Variants in SDHC observed in about 807,000 individuals in gnomAD.
SDHC encodes succinate dehydrogenase cytochrome b560 subunit, mitochondrial.
SDHC carries 11 observed loss-of-function variants against 22.6 expected under a neutral mutation model. The ratio of observed to expected loss-of-function variants is 0.49; its 90% confidence interval spans 0.31 to 0.81. SDHC has a LOEUF of 0.81. Among genes scored for constraint, SDHC ranks in the 30% least tolerant of loss-of-function variants. The pLI is 0.05. For missense variants in SDHC, 160 were observed against 212.0 expected (o/e 0.75, Z 1.52); for synonymous variants, 80 against 77.8 (o/e 1.03, Z -0.15).
At chr1:161,335,962 G>A (rs960377171) in intron 3 of SDHC, among the ~76,000 whole-genome samples, 10 of 152,008 alleles carry the variant, frequency 6.6e-5, no homozygotes, top group Non-Finnish European at 1.3e-4. Context: ...CTTGAGCTCT[G>A]CTACTCTCTT....
chr1:161,336,648 GA>G (rs1185536886), intron 3 of SDHC, among the ~76,000 whole-genome samples: 4 of 151,982 alleles, frequency 2.6e-5, no homozygotes, highest in East Asian at 1.9e-4. Context: ...TACTTGGGGG[GA>G]AAAAAGCAGC....
chr1:161,325,666 CA>C (rs1671022316), intron 2 of SDHC, among the ~76,000 whole-genome samples: 1 of 152,084 alleles, frequency 6.6e-6, no homozygotes, highest in Non-Finnish European at 1.5e-5. Context: ...CAACCTAGCC[CA>C]GTGACAAAGG....
intron 3 of SDHC, among the ~76,000 whole-genome samples, chr1:161,340,288 C>CG (rs1396491681): frequency 7.5e-5 from 11 of 146,944 alleles, no homozygotes; most frequent in Admixed American, 1.3e-4. Context: ...GACCCTGTTC[C>CG]GGGGGGGTAA....
chr1:161,325,783 A>T (rs1041027594), intron 2 of SDHC, among the ~76,000 whole-genome samples: 1 of 152,236 alleles, frequency 6.6e-6, no homozygotes, highest in African/African-American at 2.4e-5. Flanking sequence ...AATGTATGAG[A>T]TAAAACTGTG....
At chr1:161,317,761 A>G (rs1670681484) in intron 1 of SDHC, among the ~76,000 whole-genome samples, 1 of 149,616 alleles carries the variant, frequency 6.7e-6, no homozygotes, top group Non-Finnish European at 1.5e-5. Flanking sequence ...GGGTTTCACC[A>G]TGTTGATCAG....
At chr1:161,328,093 T>G (rs1338709674) in intron 2 of SDHC, among the ~76,000 whole-genome samples, 2 of 151,612 alleles carry the variant, frequency 1.3e-5, no homozygotes, top group East Asian at 3.9e-4. Context: ...AACCTCTGCC[T>G]CCTGGGTTCA....
At chr1:161,322,928 C>G (rs1670890943) in intron 1 of SDHC, among the ~76,000 whole-genome samples, 1 of 152,082 alleles carries the variant, frequency 6.6e-6, no homozygotes, top group Admixed American at 6.6e-5. Flanking sequence ...TTGCAGTTAC[C>G]AGTGGGCTTA....
chr1:161,352,671 A>C (rs369292265), intron 4 of SDHC, among the ~76,000 whole-genome samples: 1 of 152,354 alleles, frequency 6.6e-6, no homozygotes, highest in South Asian at 2.1e-4. Context: ...CCCTCATAAT[A>C]ATCTGAGAAA....
chr1:161,333,452 T>C (rs1228967124), intron 3 of SDHC, among the ~76,000 whole-genome samples: 1 of 151,534 alleles, frequency 6.6e-6, no homozygotes, highest in Non-Finnish European at 1.5e-5. Flanking sequence ...GTTGCCAGGC[T>C]GGAGTGCAGT....
chr1:161,337,221 A>G (rs1159215510), intron 3 of SDHC, among the ~76,000 whole-genome samples: 4 of 152,082 alleles, frequency 2.6e-5, no homozygotes, highest in Non-Finnish European at 4.4e-5. Flanking sequence ...CTAATGTTCA[A>G]ACAGGGCCTA....
At chr1:161,343,631 A>G (rs1032694709) in intron 4 of SDHC, among the ~76,000 whole-genome samples, 8 of 152,294 alleles carry the variant, frequency 5.3e-5, no homozygotes, top group South Asian at 4.1e-4. Flanking sequence ...CTGTAGATTC[A>G]TAATTACTTT....
intron 3 of SDHC, among the ~76,000 whole-genome samples, chr1:161,334,720 A>AGAT (rs1671407350): frequency 8.1e-6 from 1 of 122,708 alleles, no homozygotes; most frequent in South Asian, 2.9e-4. Context: ...ATTACGGCTC[A>AGAT]CTCCCTCTTT....
At chr1:161,349,417 A>G (rs1040311650) in intron 4 of SDHC, among the ~76,000 whole-genome samples, 3 of 152,226 alleles carry the variant, frequency 2.0e-5, no homozygotes, top group Non-Finnish European at 4.4e-5. Context: ...GTGAGCCGAG[A>G]TCATGCCACT....
intron 4 of SDHC, among the ~76,000 whole-genome samples, chr1:161,353,347 A>G (rs924520878): frequency 2.0e-5 from 3 of 152,182 alleles, no homozygotes; most frequent in Admixed American, 6.5e-5. Flanking sequence ...TATCTAAGGC[A>G]TATATTTGGC....
rs1672588103 is a variant in SDHC at position 161,362,966 on chromosome 1, C to G, written c.*533C>G. 3.4e-6 allele frequency: 1 copy of G among 295,512 alleles called. No homozygotes were observed. Among genetic ancestry groups the G allele is most frequent in the Admixed American group, 4.6e-5 (1 of 21,696 alleles). The allele number at this position is 295,512 out of a possible 1,614,324, so 18.3% of individuals were successfully genotyped here. ...TGGGGGTGGAGGGGAATTAGTCTGTCCCAGCTAGAGGGAGATAAAGAGGGC... is the reference window on the plus strand; with the variant it reads ...TGGGGGTGGAGGGGAATTAGTCTGTGCCAGCTAGAGGGAGATAAAGAGGGC... On this transcript the variant is annotated 3_prime_UTR_variant, in exon 6 of 6. Transcript: ENST00000367975.
chr1:161,349,425 A>G (rs1441217230), intron 4 of SDHC, among the ~76,000 whole-genome samples: 2 of 152,214 alleles, frequency 1.3e-5, no homozygotes, highest in African/African-American at 4.8e-5. Context: ...AGATCATGCC[A>G]CTGCACTCTA....
chr1:161,325,482 C>T (rs959394758), intron 2 of SDHC, among the ~76,000 whole-genome samples: 5 of 152,062 alleles, frequency 3.3e-5, no homozygotes, highest in Non-Finnish European at 7.4e-5. Flanking sequence ...GAGTTTGAGA[C>T]CAGCCTGGGC....
At chr1:161,333,420 T>G (rs1671357076) in intron 3 of SDHC, among the ~76,000 whole-genome samples, 1 of 151,526 alleles carries the variant, frequency 6.6e-6, no homozygotes, top group Non-Finnish European at 1.5e-5. Flanking sequence ...TTTTTTTTTT[T>G]TTAAAGACGG....
At chr1:161,322,022 C>T (rs1283789345) in intron 1 of SDHC, among the ~76,000 whole-genome samples, 1 of 152,014 alleles carries the variant, frequency 6.6e-6, no homozygotes, top group Non-Finnish European at 1.5e-5. Flanking sequence ...AATGAACATC[C>T]CTTTTCTGAA....
Sources: allele counts gnomAD v4.1 joint callset (sites outside exome capture counted in the v4.1 genomes callset), GRCh38; gene constraint gnomAD v4.1.1; transcripts MANE v1.5; gene names NCBI Gene and HGNC (gene_info 2026-07-23, HGNC 2026-07-21).